PGCKA1: variants seen among roughly 807,000 people sequenced by gnomAD.
PGCKA1 encodes the protein PDCD10 and GCKIII kinases-associated protein 1.
the PGCKA1 span, among the ~76,000 whole-genome samples, chr4:37,553,383 A>C: frequency 4.8e-4 from 73 of 151,910 alleles, no homozygotes; most frequent in Middle Eastern, 3.4e-3. Flanking sequence ...TTCTTACTTT[A>C]CCCCTGGATG....
the PGCKA1 span, among the ~76,000 whole-genome samples, chr4:37,589,124 T>C: frequency 6.6e-6 from 1 of 152,216 alleles, no homozygotes; most frequent in Non-Finnish European, 1.5e-5. Flanking sequence ...GGGAACACCA[T>C]CATTTTCTGA....
chr4:37,541,172 C>T, the PGCKA1 span, among the ~76,000 whole-genome samples: 44 of 152,250 alleles, frequency 2.9e-4, no homozygotes, highest in African/African-American at 9.4e-4. Context: ...ATGGTATTCA[C>T]GGCCTCTCCC....
chr4:37,562,034 AACAAAAAGC>A, the PGCKA1 span, among the ~76,000 whole-genome samples: 3 of 152,204 alleles, frequency 2.0e-5, no homozygotes, highest in South Asian at 6.2e-4. Flanking sequence ...TGACATCACC[AACAAAAAGC>A]ACAAAATGCA....
At chr4:37,496,411 G>T in the PGCKA1 span, among the ~76,000 whole-genome samples, 2 of 152,170 alleles carry the variant, frequency 1.3e-5, no homozygotes, top group African/African-American at 4.8e-5. Context: ...TCATATGGTT[G>T]TAGGTGGATG....
the PGCKA1 span, among the ~76,000 whole-genome samples, chr4:37,569,111 GGA>G: frequency 6.6e-6 from 1 of 151,954 alleles, no homozygotes; most frequent in Admixed American, 6.6e-5. Context: ...AAAAAGGGGG[GGA>G]GAGATTAAAC....
chr4:37,470,697 C>T, the PGCKA1 span, among the ~76,000 whole-genome samples: 14 of 152,176 alleles, frequency 9.2e-5, no homozygotes, highest in Non-Finnish European at 1.5e-5. Flanking sequence ...TATAAATTAT[C>T]ACCGGAGCTA....
chr4:37,552,961 CT>C, the PGCKA1 span, among the ~76,000 whole-genome samples: 1 of 152,204 alleles, frequency 6.6e-6, no homozygotes, highest in Non-Finnish European at 1.5e-5. Flanking sequence ...AAGTCCTGTT[CT>C]TTTCTACCTT....
the PGCKA1 span, among the ~76,000 whole-genome samples, chr4:37,483,423 A>C: frequency 6.6e-6 from 1 of 152,128 alleles, no homozygotes; most frequent in Non-Finnish European, 1.5e-5. Context: ...CCTCTTTTCT[A>C]GAGCCAGTGC....
chr4:37,486,842 G>A, the PGCKA1 span, among the ~76,000 whole-genome samples: 12 of 152,224 alleles, frequency 7.9e-5, no homozygotes, highest in Non-Finnish European at 1.6e-4. Flanking sequence ...GAATGATACA[G>A]TCTGCTAAAA....
the PGCKA1 span, among the ~76,000 whole-genome samples, chr4:37,524,709 T>A: frequency 0.5 from 75,693 of 152,062 alleles, 19,632 homozygotes; most frequent in African/African-American, 0.62. Context: ...TGATAATTTC[T>A]TATGTGATAG....
the PGCKA1 span, among the ~76,000 whole-genome samples, chr4:37,512,645 G>A: frequency 3.3e-5 from 5 of 151,726 alleles, no homozygotes; most frequent in South Asian, 2.1e-4. Context: ...TAGTAGAGAC[G>A]GGGTTTCTCC....
At chr4:37,463,190 T>C in the PGCKA1 span, among the ~76,000 whole-genome samples, 1 of 152,142 alleles carries the variant, frequency 6.6e-6, no homozygotes, top group African/African-American at 2.4e-5. Flanking sequence ...AGCTGTTCCT[T>C]TCCCTGTGGC....
chr4:37,493,723 A>C, the PGCKA1 span, among the ~76,000 whole-genome samples: 1 of 151,956 alleles, frequency 6.6e-6, no homozygotes, highest in African/African-American at 2.4e-5. Context: ...CCCATCCTCC[A>C]TGGCCCCACT....
the PGCKA1 span, chr4:37,590,542 T>G: frequency 6.2e-7 from 1 of 1,614,148 alleles, no homozygotes; most frequent in Non-Finnish European, 8.5e-7. Flanking sequence ...AAATGGAGAC[T>G]CCAGAGCTCC....
At chr4:37,554,901 C>T in the PGCKA1 span, among the ~76,000 whole-genome samples, 1 of 152,092 alleles carries the variant, frequency 6.6e-6, no homozygotes, top group Non-Finnish European at 1.5e-5. Flanking sequence ...ACTAGGAAGG[C>T]CATGGATGTC....
the PGCKA1 span, among the ~76,000 whole-genome samples, chr4:37,542,356 G>A: frequency 1.3e-5 from 2 of 152,146 alleles, no homozygotes; most frequent in Non-Finnish European, 1.5e-5. Flanking sequence ...CCTAGTTCAG[G>A]GGTGGCTCCA....
chr4:37,541,986 C>G, the PGCKA1 span, among the ~76,000 whole-genome samples: 1 of 152,168 alleles, frequency 6.6e-6, no homozygotes, highest in African/African-American at 2.4e-5. Context: ...AGCATTTTCA[C>G]TTACCCTCCC....
the PGCKA1 span, among the ~76,000 whole-genome samples, chr4:37,531,028 G>A: frequency 6.6e-6 from 1 of 152,162 alleles, no homozygotes; most frequent in Non-Finnish European, 1.5e-5. Flanking sequence ...TCTGTTAAAG[G>A]AAAGGAAGTA....
chr4:37,529,222 C>A, the PGCKA1 span, among the ~76,000 whole-genome samples: 1 of 152,298 alleles, frequency 6.6e-6, no homozygotes, highest in African/African-American at 2.4e-5. Context: ...CTAAATTCTG[C>A]AATTTCCCTG....
Sources: gnomAD v4.1 joint callset for allele counts (sites outside exome capture counted in the v4.1 genomes callset) on GRCh38, gnomAD v4.1.1 for gene constraint, MANE v1.5 for transcripts, NCBI Gene and HGNC (gene_info 2026-07-23, HGNC 2026-07-21) for gene names.